The following CLCN1 variants were observed in gnomAD, a reference collection of about 807,000 sequenced individuals.
The protein encoded by CLCN1 is chloride voltage-gated channel 1, also known as chloride channel protein 1.
Under a neutral mutation model 114.5 loss-of-function variants are expected in CLCN1, and 100 were observed. That is an observed-to-expected ratio of 0.87 (90% confidence interval 0.74 to 1.03). The LOEUF (loss-of-function observed/expected upper bound fraction) is 1.03. Ranked by LOEUF, CLCN1 falls within the 50% of genes least tolerant of loss-of-function variation. The pLI is 0.00. For synonymous variants in CLCN1, 485 were observed against 487.1 expected, an observed-to-expected ratio of 1.00 and a Z score of 0.06; for missense variants, 1,188 against 1,250.0, an observed-to-expected ratio of 0.95 and a Z score of 0.75.
Position 143,339,949 on chromosome 7 carries a change from C to T in CLCN1, c.1582+328C>T, listed in dbSNP as rs750594128. ...GAACCAACAATGCAGGTGATTGGCT[C>T]AGGTTGCAGGTGATTGACTCAACCT... On this transcript the variant is annotated intron_variant, in intron 14 of 22. Coordinates refer to ENST00000343257, the MANE Select transcript of CLCN1 (RefSeq NM_000083.3). The surrounding 1 kb of genome is among the most constrained non-coding windows in gnomAD (Gnocchi z 4.1). Among the ~76,000 whole-genome samples, 2 of 152,134 alleles carry T rather than the reference C, an allele frequency of 1.3e-5. No individual in the cohort carries two copies. The highest frequency in any genetic ancestry group is 1.3e-4 in the Admixed American group (2 of 15,264).
chr7:143,331,781 G>C, intron 10 of CLCN1, 129 bp downstream of exon 10: 1 of 723,866 alleles, frequency 1.4e-6, no homozygotes, highest in Non-Finnish European at 2.5e-6. Context: ...AGGAAGCTCT[G>C]ATATTGTGGT....
Position 143,342,527 on chromosome 7 carries a change from G to A in CLCN1, c.1930+22G>A, listed in dbSNP as rs150314025. Reference sequence around the variant, plus strand: ...AAAGGTCAGTGGGGAGGAAGAAGTCGACTCCAGAGCTAGTGACCTGAATAA... The same window carrying A: ...AAAGGTCAGTGGGGAGGAAGAAGTCAACTCCAGAGCTAGTGACCTGAATAA... On this transcript the variant is annotated intron_variant, in intron 16 of 22. Coordinates refer to ENST00000343257, the MANE Select transcript of CLCN1 (RefSeq NM_000083.3). 5.6e-3 allele frequency: 9,096 copies of A among 1,613,616 alleles called. 42 individuals are homozygous for A. Among genetic ancestry groups the A allele is most frequent in the Middle Eastern group, 0.013 (81 of 6,058 alleles).
At chr7:143,328,139 T>A (rs966552701) in intron 7 of CLCN1, among the ~76,000 whole-genome samples, 4 of 152,196 alleles carry the variant, frequency 2.6e-5, no homozygotes, top group Non-Finnish European at 5.9e-5. Flanking sequence ...AATTTGATGT[T>A]CCTGTGACAT....
chr7:143,345,830 T>C, intron 17 of CLCN1, 68 bp downstream of exon 17: 7 of 1,391,392 alleles, frequency 5.0e-6, no homozygotes, highest in Admixed American at 1.9e-5. Context: ...TCGTCTGGGC[T>C]GGGCTGGGCT....
At position 143,319,921 on chromosome 7, in the gene CLCN1, C is replaced by G. The variant is rs749372330; in HGVS notation, c.301+46C>G. On this transcript the variant is annotated intron_variant, in intron 2 of 22. Coordinates refer to ENST00000343257, the MANE Select transcript of CLCN1 (RefSeq NM_000083.3). ...AAGAAATCTGGAGTAGAAACAGGTA[C>G]AGGGATTAGGAGAATAACTTGGGCA... is the stretch of plus-strand genomic sequence containing the variant. 4 of 1,606,412 alleles carry G rather than the reference C, an allele frequency of 2.5e-6. No individual in the cohort carries two copies. The South Asian group carries it at 4.4e-5, about 18-fold the overall frequency.
intron 6 of CLCN1, 58 bp downstream of exon 6, chr7:143,323,444 T>C: frequency 8.1e-7 from 1 of 1,233,254 alleles, no homozygotes; most frequent in Non-Finnish European, 1.2e-6. Context: ...TCCGGCTGTG[T>C]GTCCAGGGTG....
intron 12 of CLCN1, among the ~76,000 whole-genome samples, chr7:143,338,665 T>C (rs1031860406): frequency 3.3e-5 from 5 of 152,044 alleles, no homozygotes; most frequent in African/African-American, 1.2e-4. Context: ...CGTGCGCCTA[T>C]AGTCCCAGCT....
chr7:143,342,640 A>C (rs1352394916), intron 16 of CLCN1, 135 bp downstream of exon 16: 1 of 864,304 alleles, frequency 1.2e-6, no homozygotes, highest in Admixed American at 2.0e-5. Context: ...AGGAAAAATT[A>C]AGCCATAACA....
intron 7 of CLCN1, among the ~76,000 whole-genome samples, chr7:143,329,129 G>A (rs902445469): frequency 6.6e-6 from 1 of 151,980 alleles, no homozygotes; most frequent in Non-Finnish European, 1.5e-5. Context: ...CACAGCGCCT[G>A]ACTAATTTTT....
rs368280521 is a variant in CLCN1 at position 143,330,816 on chromosome 7, C to T, written c.898C>T (p.Arg300Trp). ...GGTCACCTCCACCTACTTTGCTGTTCGGAACTACTGGAGAGGATTCTTTGC... is the reference window on the plus strand; with the variant it reads ...GGTCACCTCCACCTACTTTGCTGTTTGGAACTACTGGAGAGGATTCTTTGC... The part of the protein sequence containing the change: ...IEVTSTYFAV[R>W]NYWRGFFAAT... The change falls in exon 8 of 23, where the codon CGG becomes TGG. Residue 300 changes from arginine (R) to tryptophan (W), a missense_variant. Physicochemically the swap from Arg to Trp is moderately radical, Grantham distance 101 (BLOSUM62 -3). Coordinates refer to ENST00000343257, the MANE Select transcript of CLCN1 (RefSeq NM_000083.3). 48 of 1,614,042 alleles carry T rather than the reference C, an allele frequency of 3.0e-5. No individual in the cohort carries two copies. The highest frequency in any genetic ancestry group is 1.8e-4 in the East Asian group (8 of 44,900).
At chr7:143,329,159 G>T (rs920779899) in intron 7 of CLCN1, among the ~76,000 whole-genome samples, 1 of 151,918 alleles carries the variant, frequency 6.6e-6, no homozygotes, top group African/African-American at 2.4e-5. Flanking sequence ...GTAGAGTTAG[G>T]GTTTCACCAT....
At chr7:143,348,572 A>G (rs1278024924) in intron 20 of CLCN1, among the ~76,000 whole-genome samples, 1 of 152,200 alleles carries the variant, frequency 6.6e-6, no homozygotes, top group African/African-American at 2.4e-5. Flanking sequence ...AAGATCTAAC[A>G]GGAGTTGAAA....
intron 18 of CLCN1, 116 bp downstream of exon 18, chr7:143,346,367 G>A (rs1803247100): frequency 7.9e-6 from 6 of 761,638 alleles, no homozygotes; most frequent in Admixed American, 2.0e-5. Context: ...GGGTGAGGCT[G>A]GGGGATTGAG....
rs201708067 is a variant in CLCN1, at chr7:143,323,294, C to A, written c.697-15C>A. ...CTGGCCTCTGACCCCCGCCCCCTCG[C>A]TCCCCCTCTCCCAGGGCCCCTTCGT... On this transcript the variant is annotated splice_polypyrimidine_tract_variant and intron_variant, in intron 5 of 22. Transcript: ENST00000343257. The A allele has an allele frequency of 5.7e-6, 9 of 1,572,574 alleles. No individual in the cohort carries two copies. In the East Asian group the frequency reaches 1.6e-4, roughly 27 times the overall value.
intron 16 of CLCN1, 24 bp from the exon 17 acceptor site, chr7:143,345,497 A>T: frequency 2.0e-6 from 3 of 1,519,028 alleles, no homozygotes; most frequent in South Asian, 2.4e-5. Context: ...GGGGGCGCTC[A>T]GGCAGGGCGT....
Position 143,351,746 on chromosome 7 carries a change from C to G in CLCN1, c.2748C>G (p.Ala916=). The G allele has an allele frequency of 6.2e-7, 1 of 1,614,194 alleles. No individual in the cohort carries two copies. Among genetic ancestry groups the G allele is most frequent in the Non-Finnish European group, 8.5e-7 (1 of 1,180,036 alleles). Residue 916 remains alanine (A), a synonymous_variant, in exon 23 of 23, where the codon GCC becomes GCG. Coordinates refer to ENST00000343257, the MANE Select transcript of CLCN1 (RefSeq NM_000083.3). The part of the protein sequence containing the change: ...NWNLPEDRPG[A]TGTGDVIAAS... ...ACCTGCCTGAGGACAGGCCTGGGGC[C>G]ACTGGAACAGGGGATGTGATTGCTG... is the stretch of plus-strand genomic sequence containing the variant.
chr7:143,345,626 G>T lies in CLCN1; in HGVS notation c.2036G>T (p.Arg679Leu). 6.4e-7 allele frequency: 1 copy of T among 1,561,506 alleles called. No individual in the cohort carries two copies. The highest frequency in any genetic ancestry group is 8.7e-7 in the Non-Finnish European group (1 of 1,153,376). ...RRLRAAQEMA[R>L]KLSELPYDGK... Reference sequence around the variant, plus strand: ...CTGCGCGCAGCCCAAGAGATGGCGCGGAAGTTGTCGGAGCTGCCTTACGAC... The same window carrying T: ...CTGCGCGCAGCCCAAGAGATGGCGCTGAAGTTGTCGGAGCTGCCTTACGAC... Residue 679 changes from arginine to leucine, a missense_variant, in exon 17 of 23, where the codon CGG (arginine) becomes CTG (leucine). By Grantham distance (102) the Arg-to-Leu change is moderately radical. Transcript: ENST00000343257.
rs752151465 is a variant in CLCN1 at position 143,339,470 on chromosome 7, T to C, written c.1472-41T>C. The C allele has an allele frequency of 1.3e-6, 2 of 1,520,262 alleles. No homozygotes were observed. The highest frequency in any genetic ancestry group is 1.7e-5 in the Admixed American group (1 of 59,882). The allele number at this position is 1,520,262 out of a possible 1,614,324, so 94.2% of individuals were successfully genotyped here. ...TTCTGAAAACTGAGAGCAAGGAACT[T>C]GGATCTCGTAACACCTTCCTTCCTT... On this transcript the variant is annotated intron_variant, in intron 13 of 22. Coordinates refer to ENST00000343257, the MANE Select transcript of CLCN1 (RefSeq NM_000083.3). The surrounding 1 kb of genome is among the most constrained non-coding windows in gnomAD (Gnocchi z 4.1).
chr7:143,345,411 G>C, intron 16 of CLCN1, 110 bp from the exon 17 acceptor site: 1 of 1,333,516 alleles, frequency 7.5e-7, no homozygotes, highest in South Asian at 1.6e-5. Flanking sequence ...AGAAAGATGT[G>C]GGGACGCCGG....
Sources: gnomAD v4.1 joint callset for allele counts (sites outside exome capture counted in the v4.1 genomes callset) on GRCh38, gnomAD v4.1.1 for gene constraint, Gnocchi (gnomAD v3.1) non-coding constraint, MANE v1.5 for transcripts, NCBI Gene and HGNC (gene_info 2026-07-23, HGNC 2026-07-21) for gene names.